The following ATP9B variants were observed in gnomAD, a reference collection of about 807,000 sequenced individuals.
ATP9B encodes the protein probable phospholipid-transporting ATPase IIB.
Under a neutral mutation model 146.1 loss-of-function variants are expected in ATP9B, and 110 were observed. The ratio of observed to expected loss-of-function variants is 0.75; its 90% confidence interval spans 0.65 to 0.88. ATP9B has a LOEUF of 0.88. Among genes scored for constraint, ATP9B ranks in the 40% least tolerant of loss-of-function variants. The pLI is 0.00. For synonymous variants in ATP9B, 604 were observed against 569.7 expected, an observed-to-expected ratio of 1.06 and a Z score of -0.86; for missense variants, 1,499 against 1,496.4, an observed-to-expected ratio of 1.00 and a Z score of -0.03.
At chr18:79,259,174 ATAT>A (rs1216104777) in intron 12 of ATP9B, among the ~76,000 whole-genome samples, 7 of 152,334 alleles carry the variant, frequency 4.6e-5, no homozygotes, top group African/African-American at 1.7e-4. Context: ...TCAGAGGAAA[ATAT>A]TATAGTATTT....
intron 25 of ATP9B, among the ~76,000 whole-genome samples, chr18:79,356,807 C>G (rs1300642699): frequency 1.4e-5 from 2 of 143,358 alleles, no homozygotes; most frequent in African/African-American, 2.5e-5. Flanking sequence ...GAGGGGTGCT[C>G]TGGGTCTGGA....
chr18:79,180,898 T>G (rs2095243736), intron 8 of ATP9B, among the ~76,000 whole-genome samples: 1 of 152,094 alleles, frequency 6.6e-6, no homozygotes, highest in Non-Finnish European at 1.5e-5. Flanking sequence ...GTTTAAGCAA[T>G]TCTCCTGTCT....
At chr18:79,079,055 C>T (rs2072958854) in intron 1 of ATP9B, among the ~76,000 whole-genome samples, 1 of 152,152 alleles carries the variant, frequency 6.6e-6, no homozygotes, top group South Asian at 2.1e-4. Flanking sequence ...TTTATCCAGT[C>T]TGTCATTGAT....
chr18:79,212,140 G>A (rs1043239540), intron 10 of ATP9B, among the ~76,000 whole-genome samples: 9 of 152,268 alleles, frequency 5.9e-5, no homozygotes, highest in African/African-American at 2.2e-4. Flanking sequence ...TTGTGAAAGA[G>A]AATGGAAAAT....
intron 12 of ATP9B, among the ~76,000 whole-genome samples, chr18:79,265,078 G>A (rs755506602): frequency 2.6e-5 from 4 of 151,994 alleles, no homozygotes; most frequent in Middle Eastern, 3.2e-3. Flanking sequence ...TCCAGCCTCC[G>A]ACAGGCCCCA....
chr18:79,371,814 C>G (rs749528580), intron 26 of ATP9B, among the ~76,000 whole-genome samples: 2 of 152,232 alleles, frequency 1.3e-5, no homozygotes, highest in Non-Finnish European at 2.9e-5. Context: ...ACTTCCTGTC[C>G]TTAGGAGAAT....
chr18:79,217,219 G>C (rs915038526), intron 11 of ATP9B, among the ~76,000 whole-genome samples: 1 of 152,222 alleles, frequency 6.6e-6, no homozygotes, highest in Non-Finnish European at 1.5e-5. Context: ...GAGTCTTGCT[G>C]TGTTGCCCAG....
intron 14 of ATP9B, among the ~76,000 whole-genome samples, chr18:79,305,156 T>C (rs1164996952): frequency 1.3e-5 from 2 of 152,230 alleles, no homozygotes; most frequent in Non-Finnish European, 2.9e-5. Flanking sequence ...TAGGAGACTT[T>C]TTGTATTTAC....
intron 26 of ATP9B, chr18:79,360,583 C>T (rs909423967): frequency 6.6e-6 from 1 of 152,206 alleles, no homozygotes; most frequent in Non-Finnish European, 1.5e-5. Context: ...AAACTAGACT[C>T]TAGTCCAGCT....
intron 1 of ATP9B, among the ~76,000 whole-genome samples, chr18:79,092,577 CT>C (rs927676284): frequency 8.8e-5 from 11 of 125,680 alleles, no homozygotes; most frequent in Non-Finnish European, 1.9e-4. Context: ...AAAATATTTT[CT>C]TTTTTTATAT....
chr18:79,218,012 A>G lies in ATP9B; in HGVS notation c.1107+3974A>G, dbSNP rs763782362. On this transcript the variant is annotated intron_variant, in intron 11 of 29. Coordinates refer to ENST00000426216, the MANE Select transcript of ATP9B (RefSeq NM_198531.5). ...AGCAGAGAAATTGAGCTGCAAATAC[A>G]TATTTTTGAATGAGTAGTGGTTATC... Among the ~76,000 whole-genome samples, 158 of 152,350 alleles carry G rather than the reference A, an allele frequency of 1.0e-3. 3 individuals are homozygous for G. The highest frequency in any genetic ancestry group is 7.4e-3 in the Admixed American group (113 of 15,312).
chr18:79,352,198 T>C (rs1105426), intron 25 of ATP9B, among the ~76,000 whole-genome samples: 34,920 of 152,222 alleles, frequency 0.23, 4,728 homozygotes, highest in East Asian at 0.52. Context: ...TTCCTGGGTG[T>C]GGGTCTTCTT....
chr18:79,257,691 G>A (rs1489794739), intron 12 of ATP9B, among the ~76,000 whole-genome samples: 1 of 152,228 alleles, frequency 6.6e-6, no homozygotes, highest in Non-Finnish European at 1.5e-5. Flanking sequence ...GTGCACTCCA[G>A]CTCAGCCTCC....
Position 79,347,859 on chromosome 18 carries a change from C to T in ATP9B, c.2772C>T (p.Ser924=). The change falls in exon 24 of 30, where the codon AGC becomes AGT. Residue 924 remains serine (S), a synonymous_variant. Coordinates refer to ENST00000426216, the MANE Select transcript of ATP9B (RefSeq NM_198531.5). ...TGCTCATGGTGCACGGGCGGAACAG[C>T]TACAAGAGGTCGGCGGCACTCGGCC... ...GRLLMVHGRN[S]YKRSAALGQF... 6.2e-7 allele frequency: 1 copy of T among 1,613,834 alleles called. No homozygotes were observed.
intron 11 of ATP9B, among the ~76,000 whole-genome samples, chr18:79,247,140 C>T (rs1461210040): frequency 2.6e-5 from 4 of 152,136 alleles, no homozygotes; most frequent in Middle Eastern, 3.2e-3. Context: ...TACTACTTAC[C>T]TTCCAGCCAC....
intron 11 of ATP9B, among the ~76,000 whole-genome samples, chr18:79,235,661 C>T (rs1451089919): frequency 6.6e-6 from 1 of 152,054 alleles, no homozygotes; most frequent in Non-Finnish European, 1.5e-5. Context: ...AAGTAGAATT[C>T]TCCCAGCTCC....
chr18:79,209,660 T>C, intron 10 of ATP9B: 3 of 985,406 alleles, frequency 3.0e-6, no homozygotes, highest in Non-Finnish European at 3.6e-6. Flanking sequence ...GCATTCAGTG[T>C]TGTGTCTTCC....
chr18:79,108,338 ATAT>A (rs1038517447), intron 2 of ATP9B, among the ~76,000 whole-genome samples: 6 of 152,352 alleles, frequency 3.9e-5, no homozygotes, highest in African/African-American at 9.6e-5. Flanking sequence ...AACAGATAAA[ATAT>A]TATCAGCATT....
At chr18:79,321,497 C>T (rs148377634) in intron 15 of ATP9B, among the ~76,000 whole-genome samples, 43 of 152,148 alleles carry the variant, frequency 2.8e-4, no homozygotes, top group Middle Eastern at 3.4e-3. Context: ...ATTCTCCTGC[C>T]TCAGCCCCCC....
Sources: allele counts gnomAD v4.1 joint callset (sites outside exome capture counted in the v4.1 genomes callset), GRCh38; gene constraint gnomAD v4.1.1; transcripts MANE v1.5; gene names NCBI Gene and HGNC (gene_info 2026-07-23, HGNC 2026-07-21).